The following PLCE1 variants were observed in gnomAD, a reference collection of about 807,000 sequenced individuals.
PLCE1 encodes phospholipase C epsilon 1.
Under a neutral mutation model 242.8 loss-of-function variants are expected in PLCE1, and 119 were observed. That is an observed-to-expected ratio of 0.49 (90% CI 0.42 to 0.57). The LOEUF is 0.57. Ranked by LOEUF, PLCE1 falls within the 20% of genes least tolerant of loss-of-function variation. The pLI, the probability that PLCE1 is intolerant of heterozygous loss-of-function variation, is 0.00. For synonymous variants in PLCE1, 945 were observed against 1,017.4 expected (o/e 0.93, Z 1.35); for missense variants, 2,441 against 2,788.8 (o/e 0.88, Z 2.81).
intron 3 of PLCE1, among the ~76,000 whole-genome samples, chr10:94,160,371 GATGATGAGCATTTTTTC>G (rs1359098702): frequency 1.3e-5 from 2 of 152,200 alleles, no homozygotes; most frequent in Non-Finnish European, 2.9e-5. Context: ...GATGGCCAGT[GATGATGAGCATTTTTTC>G]ATGTGTCTGT....
chr10:94,125,398 A>AT (rs528952712), intron 2 of PLCE1, among the ~76,000 whole-genome samples: 1,658 of 145,358 alleles, frequency 0.011, 10 homozygotes, highest in South Asian at 0.021. Context: ...TTAGCGCCTT[A>AT]TTTTTTTTTT....
At chr10:94,153,662 A>G (rs1214516579) in intron 3 of PLCE1, among the ~76,000 whole-genome samples, 1 of 152,186 alleles carries the variant, frequency 6.6e-6, no homozygotes, top group Non-Finnish European at 1.5e-5. Context: ...CTAAAACACT[A>G]TTAGAATTAA....
intron 7 of PLCE1, among the ~76,000 whole-genome samples, chr10:94,240,962 AATT>A (rs2050485548): frequency 6.6e-6 from 1 of 152,214 alleles, no homozygotes; most frequent in African/African-American, 2.4e-5. Flanking sequence ...ACCCACAGGA[AATT>A]ATCTTCTAAG....
chr10:94,133,855 A>C (rs1244973179), intron 3 of PLCE1, among the ~76,000 whole-genome samples: 2 of 152,044 alleles, frequency 1.3e-5, no homozygotes, highest in Non-Finnish European at 2.9e-5. Flanking sequence ...CCCTCATGGA[A>C]TTTATAGTCT....
intron 2 of PLCE1, among the ~76,000 whole-genome samples, chr10:94,059,417 G>A (rs2043988731): frequency 6.6e-6 from 1 of 152,184 alleles, no homozygotes; most frequent in African/African-American, 2.4e-5. Flanking sequence ...TCTGATTGTT[G>A]AGGGAGAGGA....
intron 1 of PLCE1, among the ~76,000 whole-genome samples, chr10:94,026,372 C>T (rs923550330): frequency 2.0e-5 from 3 of 152,078 alleles, no homozygotes; most frequent in Admixed American, 2.0e-4. Flanking sequence ...ATATTTTTAG[C>T]CCACACAACC....
chr10:94,103,582 T>A (rs1444428831), intron 2 of PLCE1, among the ~76,000 whole-genome samples: 1 of 152,226 alleles, frequency 6.6e-6, no homozygotes, highest in South Asian at 2.1e-4. Flanking sequence ...CAAACCACCA[T>A]GGCACGTGTG....
chr10:94,246,675 C>G (rs2050693194), intron 8 of PLCE1, 54 bp downstream of exon 8: 2 of 1,504,818 alleles, frequency 1.3e-6, no homozygotes, highest in Non-Finnish European at 1.8e-6. Flanking sequence ...CAAGAGCACA[C>G]ACTGGGTGAC....
At chr10:93,996,277 C>G (rs2060819456) in intron 1 of PLCE1, among the ~76,000 whole-genome samples, 1 of 152,206 alleles carries the variant, frequency 6.6e-6, no homozygotes, top group South Asian at 2.1e-4. Flanking sequence ...GAAGGAGAAG[C>G]AGAGGAAAAG....
In PLCE1 at chr10:94,313,032, C is replaced by T. The variant is rs567920929; in HGVS notation, c.6004-222C>T. Reference sequence around the variant, plus strand: ...AGCCTCTAATTATGATGGAAAGAGACACTGTAATTTAAAATAATATTTTGG... The same window carrying T: ...AGCCTCTAATTATGATGGAAAGAGATACTGTAATTTAAAATAATATTTTGG... On this transcript the variant is annotated intron_variant, in intron 27 of 32. Transcript: ENST00000371380. Among the ~76,000 whole-genome samples the T allele has an allele frequency of 2.9e-3, 435 of 152,218 alleles. 1 individual carries two copies. The highest frequency in any genetic ancestry group is 4.7e-3 in the Non-Finnish European group (323 of 68,004).
At chr10:94,318,454 A>G (rs1162212532) in intron 29 of PLCE1, among the ~76,000 whole-genome samples, 1 of 152,224 alleles carries the variant, frequency 6.6e-6, no homozygotes, top group African/African-American at 2.4e-5. Flanking sequence ...CTCAAACACT[A>G]TGTTGAATGA....
At chr10:94,069,956 A>C (rs183001560) in intron 2 of PLCE1, among the ~76,000 whole-genome samples, 90 of 152,322 alleles carry the variant, frequency 5.9e-4, no homozygotes, top group Admixed American at 7.2e-4. Flanking sequence ...TCAGAGCTCA[A>C]CTGGCAACTC....
chr10:94,180,156 C>G (rs1229155218), intron 4 of PLCE1, among the ~76,000 whole-genome samples: 2 of 152,116 alleles, frequency 1.3e-5, no homozygotes, highest in Non-Finnish European at 2.9e-5. Flanking sequence ...ACTTTTGAAT[C>G]AAAAGCTGAG....
chr10:94,001,665 G>A (rs2060933272), intron 1 of PLCE1, among the ~76,000 whole-genome samples: 1 of 152,148 alleles, frequency 6.6e-6, no homozygotes, highest in African/African-American at 2.4e-5. Context: ...ACATAACATG[G>A]CTTAATTTGG....
At chr10:94,023,464 C>A (rs2061408218) in intron 1 of PLCE1, among the ~76,000 whole-genome samples, 1 of 152,152 alleles carries the variant, frequency 6.6e-6, no homozygotes, top group African/African-American at 2.4e-5. Context: ...CATTATTATA[C>A]AATGAAGGAG....
At chr10:94,307,914 T>G (rs1327593591) in intron 26 of PLCE1, among the ~76,000 whole-genome samples, 1 of 152,216 alleles carries the variant, frequency 6.6e-6, no homozygotes, top group African/African-American at 2.4e-5. Context: ...AAACAATTTT[T>G]TTTTAATTAT....
chr10:94,041,372 G>A lies in PLCE1; in HGVS notation c.1206+9120G>A, dbSNP rs141251849. Among the ~76,000 whole-genome samples, 178 of 152,184 alleles carry A rather than the reference G, an allele frequency of 1.2e-3. 1 individual carries two copies. The East Asian group carries it at 0.028, about 24-fold the overall frequency. On this transcript the variant is annotated intron_variant, in intron 2 of 32. Transcript: ENST00000371380. ...TTCTTTTGTGCAATACCTGTAGGAC[G>A]GAATCAGGATTTTCCATTGAAATTT... is the stretch of plus-strand genomic sequence containing the variant.
chr10:94,264,257 G>A (rs746246691), intron 14 of PLCE1, among the ~76,000 whole-genome samples: 2 of 152,080 alleles, frequency 1.3e-5, no homozygotes, highest in Non-Finnish European at 2.9e-5. Context: ...TGATGGTCTC[G>A]GGAAAGAGCA....
Position 94,062,584 on chromosome 10 carries a change from T to TTTG in PLCE1, c.1206+30334_1206+30335insGTT, listed in dbSNP as rs746870014. Among the ~76,000 whole-genome samples the TTTG allele has an allele frequency of 2.5e-4, 29 of 115,792 alleles. No individual in the cohort carries two copies. In the South Asian group the frequency reaches 5.1e-3, roughly 20 times the overall value. 76.0% of individuals were successfully genotyped at this position (115,792 alleles called of 152,430 possible). ...TTAGTTATTGGTTTCTTGGTTTTGT[T>TTTG]TTTTTTTTTGTTTTGTTTTGTTTTT... is the stretch of plus-strand genomic sequence containing the variant. On this transcript the variant is annotated intron_variant, in intron 2 of 32. Transcript: ENST00000371380.
Sources: allele counts gnomAD v4.1 joint callset (sites outside exome capture counted in the v4.1 genomes callset), GRCh38; gene constraint gnomAD v4.1.1; transcripts MANE v1.5; gene names NCBI Gene and HGNC (gene_info 2026-07-23, HGNC 2026-07-21).